Variants in TENM2 observed in about 807,000 individuals in gnomAD.
TENM2 encodes the protein teneurin-2.
TENM2 carries 52 observed loss-of-function variants against 245.2 expected under a neutral mutation model. The ratio of observed to expected loss-of-function variants is 0.21; its 90% CI spans 0.17 to 0.27. The LOEUF (loss-of-function observed/expected upper bound fraction) is 0.27. Among genes scored for constraint, TENM2 ranks in the 10% least tolerant of loss-of-function variants. The pLI, the probability that TENM2 is intolerant of heterozygous loss-of-function variation, is 1.00. For missense variants in TENM2, 3,046 were observed against 3,666.8 expected (o/e 0.83, Z 4.37); for synonymous variants, 1,363 against 1,438.9 (o/e 0.95, Z 1.19).
chr5:167,539,930 C>A (rs563692585), intron 2 of TENM2, among the ~76,000 whole-genome samples: 3 of 152,236 alleles, frequency 2.0e-5, no homozygotes, highest in Admixed American at 2.0e-4. Flanking sequence ...ACACATCAGA[C>A]GCTAATTAGC....
At chr5:168,214,950 C>G in intron 20 of TENM2, 90 bp from the exon 23 acceptor site, 2 of 1,000,268 alleles carry the variant, frequency 2.0e-6, no homozygotes, top group Non-Finnish European at 3.1e-6. Context: ...AGAAGGTAAG[C>G]GTCTTGCTAG....
intron 5 of TENM2, among the ~76,000 whole-genome samples, chr5:168,026,082 A>C (rs914557335): frequency 6.6e-6 from 1 of 151,170 alleles, no homozygotes; most frequent in Non-Finnish European, 1.5e-5. Flanking sequence ...TGCTCTTCTC[A>C]AGGTATGATG....
At chr5:167,214,409 C>T in the TENM2 span, among the ~76,000 whole-genome samples, 2 of 152,288 alleles carry the variant, frequency 1.3e-5, no homozygotes, top group East Asian at 3.9e-4. Flanking sequence ...TCCAGAGGCA[C>T]ATCAAGCCTT....
chr5:167,916,247 T>G (rs1776926198), intron 3 of TENM2, among the ~76,000 whole-genome samples: 1 of 152,156 alleles, frequency 6.6e-6, no homozygotes, highest in South Asian at 2.1e-4. Flanking sequence ...AGCAAAATAT[T>G]CTTTCTATCC....
At chr5:167,499,846 A>ATGTG (rs112558904) in intron 2 of TENM2, among the ~76,000 whole-genome samples, 46,115 of 125,276 alleles carry the variant, frequency 0.37, 8,470 homozygotes, top group East Asian at 0.56. Context: ...GTGAGGGTGT[A>ATGTG]TGTGTGTGTG....
intron 5 of TENM2, among the ~76,000 whole-genome samples, chr5:168,028,380 A>G (rs1241733670): frequency 6.6e-6 from 1 of 152,048 alleles, no homozygotes; most frequent in Non-Finnish European, 1.5e-5. Flanking sequence ...CTTGATATGG[A>G]TTCTCTTCTA....
intron 12 of TENM2, among the ~76,000 whole-genome samples, chr5:168,150,209 C>A (rs536063001): frequency 6.6e-6 from 1 of 152,164 alleles, no homozygotes; most frequent in Non-Finnish European, 1.5e-5. Flanking sequence ...AGAAACTACC[C>A]GGTGCATAAT....
At chr5:167,680,346 A>C (rs116354337) in intron 2 of TENM2, among the ~76,000 whole-genome samples, 1,739 of 151,924 alleles carry the variant, frequency 0.011, 40 homozygotes, top group African/African-American at 0.04. Context: ...GAGTTGGGGG[A>C]AAGGTTTCCA....
At chr5:167,827,493 A>G (rs1167845615) in intron 2 of TENM2, among the ~76,000 whole-genome samples, 2 of 152,082 alleles carry the variant, frequency 1.3e-5, no homozygotes, top group African/African-American at 2.4e-5. Flanking sequence ...CTAAATTACC[A>G]TAGGAATTAA....
At chr5:168,216,566 G>C (rs771523535) in intron 21 of TENM2, among the ~76,000 whole-genome samples, 1 of 152,142 alleles carries the variant, frequency 6.6e-6, no homozygotes, top group Non-Finnish European at 1.5e-5. Context: ...AGCACCCTAG[G>C]AACTATACAA....
the TENM2 span, among the ~76,000 whole-genome samples, chr5:167,126,504 G>A: frequency 6.6e-6 from 1 of 152,028 alleles, no homozygotes; most frequent in African/African-American, 2.4e-5. Flanking sequence ...AAAACACATG[G>A]CATGTATTTC....
intron 2 of TENM2, among the ~76,000 whole-genome samples, chr5:167,834,640 CTTTTTTTTTTT>C (rs555150513): frequency 7.7e-6 from 1 of 129,544 alleles, no homozygotes; most frequent in Non-Finnish European, 1.6e-5. Context: ...TGTACAATTT[CTTTTTTTTTTT>C]TTTTTTTTTT....
intron 2 of TENM2, among the ~76,000 whole-genome samples, chr5:167,506,316 T>C (rs908401789): frequency 5.3e-5 from 8 of 152,186 alleles, no homozygotes; most frequent in African/African-American, 1.2e-4. Context: ...CATGCAATTG[T>C]ACCTACTCTT....
intron 2 of TENM2, among the ~76,000 whole-genome samples, chr5:167,454,539 A>G (rs1360155841): frequency 6.6e-6 from 1 of 151,888 alleles, no homozygotes; most frequent in Non-Finnish European, 1.5e-5. Context: ...GCACACCCAC[A>G]CATATTTATG....
chr5:167,026,126 T>C, the TENM2 span, among the ~76,000 whole-genome samples: 1 of 152,220 alleles, frequency 6.6e-6, no homozygotes, highest in African/African-American at 2.4e-5. Context: ...TATATATGTT[T>C]TGTGTATTCT....
chr5:167,807,833 G>A (rs546292983), intron 2 of TENM2, among the ~76,000 whole-genome samples: 1 of 152,146 alleles, frequency 6.6e-6, no homozygotes, highest in African/African-American at 2.4e-5. Flanking sequence ...AGAAATACCT[G>A]GGGAACTTTT....
At chr5:168,234,497 A>G (rs1371407348) in intron 25 of TENM2, among the ~76,000 whole-genome samples, 1 of 152,120 alleles carries the variant, frequency 6.6e-6, no homozygotes, top group Non-Finnish European at 1.5e-5. Flanking sequence ...TAAAATATAA[A>G]TATCCCAAAT....
At chr5:167,485,874 T>C (rs1301265522) in intron 2 of TENM2, among the ~76,000 whole-genome samples, 1 of 152,114 alleles carries the variant, frequency 6.6e-6, no homozygotes, top group Non-Finnish European at 1.5e-5. Flanking sequence ...TGAAAACCTA[T>C]ACAAACCTAG....
At chr5:168,164,186 GC>G (rs1355998983) in intron 13 of TENM2, among the ~76,000 whole-genome samples, 1 of 152,172 alleles carries the variant, frequency 6.6e-6, no homozygotes, top group East Asian at 1.9e-4. Flanking sequence ...TGTCATGGAG[GC>G]CTGCCTGTTC....
Sources: allele counts gnomAD v4.1 joint callset (sites outside exome capture counted in the v4.1 genomes callset), GRCh38; gene constraint gnomAD v4.1.1; transcripts MANE v1.5; gene names NCBI Gene and HGNC (gene_info 2026-07-23, HGNC 2026-07-21).